Variants in LARS2 observed in about 807,000 individuals in gnomAD.
LARS2 encodes leucyl-tRNA synthetase 2, mitochondrial.
In LARS2, 81 loss-of-function variants were observed where a neutral mutation model predicts 116.6. The observed-to-expected ratio is 0.69, with a 90% confidence interval of 0.58 to 0.84. The LOEUF is 0.84. Among genes scored for constraint, LARS2 ranks in the 40% least tolerant of loss-of-function variants. The pLI is 0.00. For synonymous variants in LARS2, 396 were observed against 407.2 expected (o/e 0.97, Z 0.33); for missense variants, 968 against 1,114.5 (o/e 0.87, Z 1.87).
chr3:45,524,778 A>G (rs899459438), intron 20 of LARS2, among the ~76,000 whole-genome samples: 8 of 152,200 alleles, frequency 5.3e-5, no homozygotes, highest in African/African-American at 1.9e-4. Context: ...TTGACGTAAA[A>G]GATTTCTTCT....
chr3:45,491,590 A>G lies in LARS2; in HGVS notation c.1313A>G (p.Asp438Gly), dbSNP rs1575289366. The change falls in exon 13 of 22, where the codon GAC becomes GGC. Residue 438 changes from aspartate to glycine, a missense_variant. Physicochemically the swap from Asp to Gly is moderately conservative, Grantham distance 94. Transcript: ENST00000645846. ...GCCCGGGGGAAGAGAGTGGGTGGAG[A>G]CGTGACAAGTGATAAACTGAAAGAC... ...QKARGKRVGGDVTSDKLKDWL... is the reference protein window; with the variant it reads ...QKARGKRVGGGVTSDKLKDWL... 6.2e-7 allele frequency: 1 copy of G among 1,614,066 alleles called. No homozygotes were observed. Among genetic ancestry groups the G allele is most frequent in the Non-Finnish European group, 8.5e-7 (1 of 1,180,000 alleles).
At position 45,500,482 on chromosome 3, in the gene LARS2, G is replaced by C. The variant is rs1209939319; in HGVS notation, c.1663G>C (p.Asp555His). 4 of 1,605,262 alleles carry C rather than the reference G, an allele frequency of 2.5e-6. No homozygotes were observed. The highest frequency in any genetic ancestry group is 2.7e-5 in the African/African-American group (2 of 74,354). Reference protein sequence around the residue: ...TAVADYWMPVDLYIGGKEHAV... With the variant: ...TAVADYWMPVHLYIGGKEHAV... ...AGTGGCCGATTACTGGATGCCTGTG[G>C]ATTTGTACATTGGAGGGAAAGAACA... Residue 555 changes from aspartate to histidine, a missense_variant, in exon 15 of 22, where the codon GAT becomes CAT. By Grantham distance (81) the Asp-to-His change is moderately conservative. Transcript: ENST00000645846.
At chr3:45,438,390 C>A (rs566978294) in intron 6 of LARS2, among the ~76,000 whole-genome samples, 4 of 152,216 alleles carry the variant, frequency 2.6e-5, no homozygotes, top group African/African-American at 9.6e-5. Context: ...TTCTGCCACC[C>A]AGGAGCTGGG....
intron 13 of LARS2, among the ~76,000 whole-genome samples, chr3:45,493,179 C>T (rs1415953845): frequency 6.6e-6 from 1 of 151,948 alleles, no homozygotes; most frequent in Non-Finnish European, 1.5e-5. Context: ...GGCTCACTGC[C>T]AGCTCCACCT....
chr3:45,435,083 A>C (rs1698776655), intron 6 of LARS2, among the ~76,000 whole-genome samples: 1 of 152,186 alleles, frequency 6.6e-6, no homozygotes, highest in Non-Finnish European at 1.5e-5. Flanking sequence ...GGTTTCCTGA[A>C]TAATATAAGG....
At chr3:45,450,475 A>G (rs1353949081) in intron 7 of LARS2, among the ~76,000 whole-genome samples, 1 of 152,176 alleles carries the variant, frequency 6.6e-6, no homozygotes, top group Non-Finnish European at 1.5e-5. Flanking sequence ...GCTCTCACAT[A>G]TGAGTGAGAA....
chr3:45,545,235 C>A (rs1700858652), intron 21 of LARS2, among the ~76,000 whole-genome samples: 1 of 152,208 alleles, frequency 6.6e-6, no homozygotes, highest in Non-Finnish European at 1.5e-5. Flanking sequence ...GAAGCTTGTA[C>A]TGTTATTAGC....
chr3:45,517,762 C>T (rs1700390963), intron 17 of LARS2, 141 bp from the exon 18 acceptor site: 1 of 609,196 alleles, frequency 1.6e-6, no homozygotes, highest in African/African-American at 1.9e-5. Flanking sequence ...GAGGATCCTT[C>T]AGCCTGCCCT....
chr3:45,404,797 G>A (rs1205372035), intron 4 of LARS2, among the ~76,000 whole-genome samples: 4 of 152,034 alleles, frequency 2.6e-5, no homozygotes, highest in Admixed American at 1.3e-4. Flanking sequence ...ATGTTGGCCA[G>A]GCTGGTCTAG....
intron 4 of LARS2, 129 bp from the exon 5 acceptor site, chr3:45,417,353 A>G: frequency 1.4e-6 from 1 of 718,860 alleles, no homozygotes; most frequent in Non-Finnish European, 2.4e-6. Context: ...TGTCAGATGC[A>G]TAACCTGAAA....
intron 4 of LARS2, among the ~76,000 whole-genome samples, chr3:45,403,676 G>A (rs1451336854): frequency 6.6e-6 from 1 of 152,222 alleles, no homozygotes; most frequent in South Asian, 2.1e-4. Flanking sequence ...AATTTCCTTG[G>A]ATGGGATGAG....
At chr3:45,492,730 C>T (rs1027039071) in intron 13 of LARS2, among the ~76,000 whole-genome samples, 5 of 152,188 alleles carry the variant, frequency 3.3e-5, no homozygotes, top group African/African-American at 1.2e-4. Flanking sequence ...CTAGAATTAA[C>T]ACATGTGATC....
At chr3:45,511,771 A>AT (rs67171643) in intron 15 of LARS2, among the ~76,000 whole-genome samples, 3,328 of 86,716 alleles carry the variant, frequency 0.038, 89 homozygotes, top group African/African-American at 0.071. Context: ...AATGCTGCTG[A>AT]TTTTTTTTTT....
chr3:45,402,483 A>G (rs1698170248), intron 4 of LARS2, among the ~76,000 whole-genome samples: 1 of 152,222 alleles, frequency 6.6e-6, no homozygotes, highest in Non-Finnish European at 1.5e-5. Flanking sequence ...CCCAGTGGCC[A>G]TTGCTACTAT....
At chr3:45,390,481 T>C (rs1697921692) in intron 1 of LARS2, among the ~76,000 whole-genome samples, 1 of 149,438 alleles carries the variant, frequency 6.7e-6, no homozygotes, top group Non-Finnish European at 1.5e-5. Flanking sequence ...CCTGGCTAAT[T>C]TTTTGTATAT....
intron 7 of LARS2, among the ~76,000 whole-genome samples, chr3:45,454,881 A>G (rs1297871156): frequency 6.6e-6 from 1 of 152,176 alleles, no homozygotes; most frequent in African/African-American, 2.4e-5. Context: ...CAGGGCTTCA[A>G]GGGGTTGCAG....
intron 15 of LARS2, among the ~76,000 whole-genome samples, chr3:45,512,617 T>C (rs1313371243): frequency 6.6e-6 from 1 of 152,184 alleles, no homozygotes; most frequent in African/African-American, 2.4e-5. Context: ...TGAAATACCA[T>C]AAAGTATACA....
chr3:45,406,861 C>G (rs1229898419), intron 4 of LARS2, among the ~76,000 whole-genome samples: 2 of 152,156 alleles, frequency 1.3e-5, no homozygotes, highest in Non-Finnish European at 2.9e-5. Flanking sequence ...CATAGAATGC[C>G]TGATGACATA....
chr3:45,427,450 A>C lies in LARS2; in HGVS notation c.516+7721A>C, dbSNP rs570951652. On this transcript the variant is annotated intron_variant, in intron 6 of 21. Transcript: ENST00000645846. ...GAATCTTAGGAATGATCATGCTTCC[A>C]AACCTTATTAGGTAGGAATCAAAAT... is the stretch of plus-strand genomic sequence containing the variant. 7.2e-5 allele frequency among the ~76,000 whole-genome samples: 11 copies of C among 152,358 alleles called. No homozygotes were observed. The South Asian group carries it at 2.3e-3, about 32-fold the overall frequency.
Sources: allele counts gnomAD v4.1 joint callset (sites outside exome capture counted in the v4.1 genomes callset), GRCh38; gene constraint gnomAD v4.1.1; transcripts MANE v1.5; gene names NCBI Gene and HGNC (gene_info 2026-07-23, HGNC 2026-07-21).